Variants in ROBO1 observed in about 807,000 individuals in gnomAD.
ROBO1 encodes the protein roundabout homolog 1.
ROBO1 carries 149 observed loss-of-function variants against 195.9 expected under a neutral mutation model. The observed-to-expected ratio is 0.76, with a 90% CI of 0.67 to 0.87. ROBO1 has a LOEUF of 0.87. Among genes scored for constraint, ROBO1 ranks in the 40% least tolerant of loss-of-function variants. The pLI is 0.00. For missense variants in ROBO1, 1,933 were observed against 2,068.3 expected, an observed-to-expected ratio of 0.93 and a Z score of 1.27; for synonymous variants, 816 against 733.2, an observed-to-expected ratio of 1.11 and a Z score of -1.82.
intron 1 of ROBO1, among the ~76,000 whole-genome samples, chr3:79,724,071 A>G (rs1395865565): frequency 5.3e-5 from 8 of 152,172 alleles, no homozygotes; most frequent in Non-Finnish European, 1.2e-4. Flanking sequence ...CATCTTTTAC[A>G]GTCTTCGTTG....
intron 2 of ROBO1, among the ~76,000 whole-genome samples, chr3:79,450,363 G>A (rs1027614551): frequency 2.6e-5 from 4 of 151,254 alleles, no homozygotes; most frequent in African/African-American, 9.8e-5. Context: ...AGGGAGAAAG[G>A]AAGGAAGAGA....
chr3:78,685,177 T>G (rs1364390102), intron 10 of ROBO1, among the ~76,000 whole-genome samples: 1 of 152,112 alleles, frequency 6.6e-6, no homozygotes, highest in Non-Finnish European at 1.5e-5. Context: ...CATATTTATA[T>G]GTGTTTTTTT....
At chr3:78,855,147 T>C (rs940517825) in intron 4 of ROBO1, among the ~76,000 whole-genome samples, 5 of 151,796 alleles carry the variant, frequency 3.3e-5, no homozygotes, top group Admixed American at 1.3e-4. Flanking sequence ...ATAAGGACCA[T>C]AAGCCTGAAG....
intron 1 of ROBO1, among the ~76,000 whole-genome samples, chr3:79,666,798 A>G (rs548367038): frequency 1.8e-4 from 27 of 152,048 alleles, no homozygotes; most frequent in African/African-American, 6.5e-4. Context: ...TACACTCACC[A>G]TCTATGATTT....
chr3:78,883,771 C>T (rs2036328952), intron 4 of ROBO1, among the ~76,000 whole-genome samples: 1 of 152,048 alleles, frequency 6.6e-6, no homozygotes, highest in African/African-American at 2.4e-5. Context: ...AGTCCAATAT[C>T]CATCTAAAGA....
intron 4 of ROBO1, among the ~76,000 whole-genome samples, chr3:78,916,998 T>A (rs2038639637): frequency 6.6e-6 from 1 of 152,044 alleles, no homozygotes; most frequent in Admixed American, 6.6e-5. Flanking sequence ...AGTCTGAAAT[T>A]AAAATATTTC....
intron 1 of ROBO1, among the ~76,000 whole-genome samples, chr3:79,650,044 A>G (rs1372293952): frequency 2.0e-5 from 3 of 152,094 alleles, no homozygotes; most frequent in Non-Finnish European, 4.4e-5. Flanking sequence ...ACTTTGAACA[A>G]TAAAACAATA....
intron 10 of ROBO1, among the ~76,000 whole-genome samples, chr3:78,683,763 C>T (rs1364640164): frequency 6.6e-6 from 1 of 151,732 alleles, no homozygotes; most frequent in African/African-American, 2.4e-5. Context: ...TGAACTCATA[C>T]CATACACAAA....
chr3:79,399,351 C>G (rs186206751), intron 2 of ROBO1, among the ~76,000 whole-genome samples: 3 of 151,980 alleles, frequency 2.0e-5, no homozygotes, highest in African/African-American at 7.3e-5. Context: ...CCGGCTGCCC[C>G]CCGACCTCCC....
intron 1 of ROBO1, among the ~76,000 whole-genome samples, chr3:79,657,638 A>G (rs926232096): frequency 2.6e-5 from 4 of 152,132 alleles, no homozygotes; most frequent in African/African-American, 7.2e-5. Flanking sequence ...AATATTTATT[A>G]TATGTATTAG....
At chr3:79,259,594 T>A (rs758899878) in intron 2 of ROBO1, among the ~76,000 whole-genome samples, 1 of 152,110 alleles carries the variant, frequency 6.6e-6, no homozygotes, top group Non-Finnish European at 1.5e-5. Flanking sequence ...CCACTAGCAT[T>A]CCCAGCCTCT....
chr3:79,212,176 C>T (rs561821819), intron 2 of ROBO1, among the ~76,000 whole-genome samples: 1 of 152,282 alleles, frequency 6.6e-6, no homozygotes, highest in South Asian at 2.1e-4. Flanking sequence ...GGTAAACCCA[C>T]AAACTTCAGC....
chr3:79,083,891 C>T (rs2079320083), intron 3 of ROBO1, among the ~76,000 whole-genome samples: 1 of 152,110 alleles, frequency 6.6e-6, no homozygotes, highest in Admixed American at 6.6e-5. Context: ...CTGAACCAAA[C>T]TTCTTCCAGA....
At chr3:79,342,421 A>G (rs963455140) in intron 2 of ROBO1, among the ~76,000 whole-genome samples, 3 of 152,218 alleles carry the variant, frequency 2.0e-5, no homozygotes, top group Non-Finnish European at 4.4e-5. Context: ...CATCATAAAG[A>G]AAAGTGGCTT....
intron 2 of ROBO1, among the ~76,000 whole-genome samples, chr3:79,526,729 T>C (rs1271044416): frequency 6.6e-6 from 1 of 152,168 alleles, no homozygotes; most frequent in Non-Finnish European, 1.5e-5. Context: ...ACTGATCCAG[T>C]GACTTAGCTT....
intron 4 of ROBO1, among the ~76,000 whole-genome samples, chr3:78,929,836 C>G (rs953750970): frequency 6.6e-5 from 10 of 151,902 alleles, no homozygotes; most frequent in Admixed American, 5.9e-4. Context: ...TTAGGAAGAG[C>G]TGAATCCTCT....
intron 1 of ROBO1, among the ~76,000 whole-genome samples, chr3:79,735,876 AAAAAAAAAAAC>A (rs1703358005): frequency 7.0e-6 from 1 of 143,594 alleles, no homozygotes; most frequent in Non-Finnish European, 1.5e-5. Context: ...GTCTCAAAAA[AAAAAAAAAAAC>A]AAAAAAAAAA....
chr3:79,574,636 G>A (rs1334251170), intron 2 of ROBO1, among the ~76,000 whole-genome samples: 1 of 151,596 alleles, frequency 6.6e-6, no homozygotes, highest in Non-Finnish European at 1.5e-5. Flanking sequence ...ATACATCTAA[G>A]GTTATCTAAC....
chr3:79,106,356 G>T (rs1381816163), intron 3 of ROBO1, among the ~76,000 whole-genome samples: 1 of 151,372 alleles, frequency 6.6e-6, no homozygotes, highest in Non-Finnish European at 1.5e-5. Context: ...ATTCTCCGGG[G>T]TTCATTAAAT....
Sources: gnomAD v4.1 joint callset for allele counts (sites outside exome capture counted in the v4.1 genomes callset) on GRCh38, gnomAD v4.1.1 for gene constraint, MANE v1.5 for transcripts, NCBI Gene and HGNC (gene_info 2026-07-23, HGNC 2026-07-21) for gene names.